USP2: variants seen among roughly 807,000 people sequenced by gnomAD.
USP2 encodes the protein ubiquitin carboxyl-terminal hydrolase 2.
In USP2, 33 loss-of-function variants were observed where a neutral mutation model predicts 72.0. The ratio of observed to expected loss-of-function variants is 0.46; its 90% CI spans 0.35 to 0.61. USP2 has a LOEUF of 0.61. USP2 is among the 20% of genes least tolerant of loss of function. The pLI is 0.01. For missense variants in USP2, 691 were observed against 797.8 expected, an observed-to-expected ratio of 0.87 and a Z score of 1.61; for synonymous variants, 296 against 312.5, an observed-to-expected ratio of 0.95 and a Z score of 0.56.
rs1950703149 is a variant in USP2, at chr11:119,358,192, G to A, written c.1298C>T (p.Thr433Met). The change falls in exon 8 of 13, where the codon ACG (threonine) becomes ATG (methionine). Residue 433 changes from threonine (T) to methionine (M), a missense_variant. Thr to Met is a moderately conservative substitution (Grantham distance 81, BLOSUM62 -1). Coordinates refer to ENST00000260187, the MANE Select transcript of USP2 (RefSeq NM_004205.5). ...GAGGTCCCAGAAGGGGTCGAAGACC[G>A]TAGAACAGTAACCACAATCTGTACA... ...LTCTDCGYCS[T>M]VFDPFWDLSL... The A allele has an allele frequency of 5.6e-6, 9 of 1,613,854 alleles. No individual in the cohort carries two copies. The highest frequency in any genetic ancestry group is 1.7e-5 in the Admixed American group (1 of 60,012).
Position 119,355,476 on chromosome 11 carries a change from GCA to G in USP2, c.*1357_*1358del, listed in dbSNP as rs1950636422. The G allele has an allele frequency of 6.6e-6, 1 of 152,236 alleles. No individual in the cohort carries two copies. The highest frequency in any genetic ancestry group is 2.4e-5 in the African/African-American group (1 of 41,428). The allele number at this position is 152,236 out of a possible 1,614,324, so 9.4% of individuals were successfully genotyped here. ...GTGAACAGCTTTACTCTCCAGGACA[GCA>G]CAGAGTTTTATCCAACTATGTAGGG... On this transcript the variant is annotated 3_prime_UTR_variant, in exon 13 of 13. Coordinates refer to ENST00000260187, the MANE Select transcript of USP2 (RefSeq NM_004205.5).
intron 2 of USP2, among the ~76,000 whole-genome samples, chr11:119,367,294 T>G (rs945788289): frequency 5.9e-5 from 9 of 152,202 alleles, no homozygotes; most frequent in Non-Finnish European, 8.8e-5. Context: ...TTTGTCACCT[T>G]AAATCCTTCC....
chr11:119,381,431 C>T (rs1173783188), intron 1 of USP2, 42 bp downstream of exon 1: 2 of 1,533,304 alleles, frequency 1.3e-6, no homozygotes, highest in East Asian at 2.4e-5. Flanking sequence ...CGGCACTGAT[C>T]CCCGAATCCC....
chr11:119,368,158 C>T (rs1012070384), intron 2 of USP2, among the ~76,000 whole-genome samples: 1 of 152,210 alleles, frequency 6.6e-6, no homozygotes, highest in Non-Finnish European at 1.5e-5. Flanking sequence ...GCAGCTAGTA[C>T]AGCTCCTGGC....
At chr11:119,378,180 G>A (rs954524351) in intron 1 of USP2, among the ~76,000 whole-genome samples, 3 of 152,040 alleles carry the variant, frequency 2.0e-5, no homozygotes, top group Non-Finnish European at 4.4e-5. Flanking sequence ...GGTGAGAGGG[G>A]GCCCTGTATC....
intron 2 of USP2, chr11:119,363,822 G>A: frequency 7.2e-7 from 1 of 1,383,216 alleles, no homozygotes; most frequent in East Asian, 3.1e-5. Context: ...CCCTCGGCGC[G>A]GGGGTCCCGG....
chr11:119,359,510 A>C (rs755019644), intron 4 of USP2, 27 bp downstream of exon 4: 5 of 1,612,904 alleles, frequency 3.1e-6, no homozygotes, highest in South Asian at 1.1e-5. Flanking sequence ...GGGGGTAGGC[A>C]GGGGCACATG....
At chr11:119,371,023 T>C (rs1828750845) in intron 2 of USP2, among the ~76,000 whole-genome samples, 1 of 152,146 alleles carries the variant, frequency 6.6e-6, no homozygotes, top group African/African-American at 2.4e-5. Context: ...GTCTGTAGTT[T>C]AGTCTGCGCT....
At chr11:119,371,791 A>G (rs1395303621) in intron 2 of USP2, among the ~76,000 whole-genome samples, 1 of 152,070 alleles carries the variant, frequency 6.6e-6, no homozygotes, top group Non-Finnish European at 1.5e-5. Flanking sequence ...TCCACCCGCC[A>G]TCTACCCGTG....
chr11:119,378,485 C>A (rs560481885), intron 1 of USP2, among the ~76,000 whole-genome samples: 1 of 152,314 alleles, frequency 6.6e-6, no homozygotes, highest in Admixed American at 6.5e-5. Flanking sequence ...CCTCTTGCCT[C>A]CCCTGGCAGG....
At chr11:119,375,730 C>T (rs1186776003) in intron 1 of USP2, among the ~76,000 whole-genome samples, 1 of 152,198 alleles carries the variant, frequency 6.6e-6, no homozygotes, top group Non-Finnish European at 1.5e-5. Flanking sequence ...GCTCATGGCT[C>T]CTCCCCACAG....
chr11:119,380,039 C>G (rs902216070), intron 1 of USP2, among the ~76,000 whole-genome samples: 1 of 150,854 alleles, frequency 6.6e-6, no homozygotes, highest in East Asian at 2.0e-4. Context: ...CTCAGCCTCC[C>G]GAGTAGCTGG....
chr11:119,367,777 G>A (rs576328428), intron 2 of USP2, among the ~76,000 whole-genome samples: 58 of 152,302 alleles, frequency 3.8e-4, no homozygotes, highest in African/African-American at 1.3e-3. Flanking sequence ...TTTTATGTAC[G>A]TATTGAGGTG....
rs773668337 is a variant in USP2 at position 119,372,841 on chromosome 11, G to T, written c.640C>A (p.Gln214Lys). ...RKGSASQVPSQAPPSRVPEII... is the reference protein window; with the variant it reads ...RKGSASQVPSKAPPSRVPEII... ...TCAGGGACTCGTGAGGGAGGGGCCT[G>T]GGAGGGCACCTGAGATGCACTGCCC... Residue 214 changes from glutamine to lysine, a missense_variant, in exon 2 of 13, where the codon CAG (glutamine) becomes AAG (lysine). By Grantham distance (53) the Gln-to-Lys change is moderately conservative. Transcript: ENST00000260187. 3.1e-6 allele frequency: 5 copies of T among 1,608,358 alleles called. No individual in the cohort carries two copies. Among genetic ancestry groups the T allele is most frequent in the Non-Finnish European group, 4.2e-6 (5 of 1,177,734 alleles).
intron 2 of USP2, chr11:119,360,439 T>C (rs941249195): frequency 4.5e-6 from 3 of 664,304 alleles, no homozygotes; most frequent in Admixed American, 4.3e-5. Context: ...TTTTTTTTTT[T>C]TTGAGACGGA....
In USP2 at chr11:119,372,929, C is replaced by T; in HGVS notation, c.552G>A (p.Gly184=). Residue 184 remains glycine, a synonymous_variant, in exon 2 of 13, where the codon GGG becomes GGA. Transcript: ENST00000260187. ...RTRKELCTLQ[G]LYQTASCPEY... is the part of the protein sequence containing the mutation. ...CAGGGCAGCTGGCTGTCTGGTAGAG[C>T]CCCTGCAGGGTGCAGAGCTCCTTGC... is the stretch of plus-strand genomic sequence containing the variant. 1 of 1,613,336 alleles carries T rather than the reference C, an allele frequency of 6.2e-7. No homozygotes were observed. The highest frequency in any genetic ancestry group is 8.5e-7 in the Non-Finnish European group (1 of 1,179,918).
At chr11:119,363,845 G>T in intron 2 of USP2, 2 of 1,388,762 alleles carry the variant, frequency 1.4e-6, no homozygotes, top group Non-Finnish European at 1.9e-6. Flanking sequence ...AAGGGCCCGC[G>T]TACCTTGGCT....
intron 2 of USP2, among the ~76,000 whole-genome samples, chr11:119,362,041 G>T (rs556903048): frequency 6.6e-6 from 1 of 152,296 alleles, no homozygotes; most frequent in Admixed American, 6.5e-5. Flanking sequence ...CCACCCTTAC[G>T]TCTATTTTTG....
chr11:119,364,133 G>A, intron 2 of USP2: 4 of 1,219,954 alleles, frequency 3.3e-6, no homozygotes, highest in Non-Finnish European at 4.1e-6. Context: ...GCGCCCGAAC[G>A]CGCGCTCCTC....
Sources: allele counts gnomAD v4.1 joint callset (sites outside exome capture counted in the v4.1 genomes callset), GRCh38; gene constraint gnomAD v4.1.1; transcripts MANE v1.5; gene names NCBI Gene and HGNC (gene_info 2026-07-23, HGNC 2026-07-21).